The following DIS3L2 variants were observed in gnomAD, a reference collection of about 807,000 sequenced individuals.
DIS3L2 encodes DIS3 like 3'-5' exoribonuclease 2, also known as DIS3-like exonuclease 2.
DIS3L2 carries 34 observed loss-of-function variants against 97.5 expected under a neutral mutation model. The observed-to-expected ratio is 0.35, with a 90% CI of 0.27 to 0.46. The LOEUF is 0.46. Ranked by LOEUF, DIS3L2 falls within the 20% of genes least tolerant of loss-of-function variation. The pLI, the probability that DIS3L2 is intolerant of heterozygous loss-of-function variation, is 1.00. For missense variants in DIS3L2, 1,038 were observed against 1,146.0 expected, an observed-to-expected ratio of 0.91 and a Z score of 1.36; for synonymous variants, 435 against 445.2, an observed-to-expected ratio of 0.98 and a Z score of 0.29.
intron 1 of DIS3L2, among the ~76,000 whole-genome samples, chr2:231,981,013 G>A (rs12619523): frequency 0.78 from 118,632 of 152,042 alleles, 46,981 homozygotes; most frequent in African/African-American, 0.9. Flanking sequence ...GTGCGATCTC[G>A]GCTCACTGCA....
intron 9 of DIS3L2, among the ~76,000 whole-genome samples, chr2:232,208,447 A>G (rs941315072): frequency 6.6e-6 from 1 of 152,160 alleles, no homozygotes; most frequent in Non-Finnish European, 1.5e-5. Context: ...AGTAGCTGGG[A>G]CTACAGGCGT....
chr2:232,036,916 C>T (rs561228385), intron 5 of DIS3L2, among the ~76,000 whole-genome samples: 6 of 152,282 alleles, frequency 3.9e-5, no homozygotes, highest in African/African-American at 9.6e-5. Context: ...GAGAGGCACC[C>T]GCCAGATGCC....
chr2:232,049,839 C>G (rs1034593781), intron 5 of DIS3L2, among the ~76,000 whole-genome samples: 1 of 152,068 alleles, frequency 6.6e-6, no homozygotes, highest in Admixed American at 6.6e-5. Context: ...GGCACAGTGC[C>G]ACTTCTGTGT....
intron 14 of DIS3L2, 28 bp from the exon 15 acceptor site, chr2:232,329,785 T>TGCCGGGGGGGGGGGCCCCC: frequency 1.0e-6 from 1 of 967,142 alleles, no homozygotes. Context: ...ACCCCAGCGG[T>TGCCGGGGGGGGGGGCCCCC]CCCTCCCATC....
chr2:232,300,047 T>A lies in DIS3L2; in HGVS notation c.1667T>A (p.Leu556His). ...DGALRLDQLK[L>H]AFTLDHETGL... ...TCTTCTCTCTCTCTTCAGCTAAAGCTTGCTTTCACTCTGGACCACGAGACC... is the reference window on the plus strand; with the variant it reads ...TCTTCTCTCTCTCTTCAGCTAAAGCATGCTTTCACTCTGGACCACGAGACC... Residue 556 changes from leucine to histidine, a missense_variant, in exon 14 of 21, where the codon CTT becomes CAT. This residue lies in a region of DIS3L2 where 813 missense variants were observed against 880.1 expected (regional missense o/e 0.92). Transcript: ENST00000325385. 6.2e-7 allele frequency: 1 copy of A among 1,613,602 alleles called. No homozygotes were observed. Among genetic ancestry groups the A allele is most frequent in the Non-Finnish European group, 8.5e-7 (1 of 1,179,578 alleles).
At chr2:232,329,785 T>TGCCGGGGGCCA in intron 14 of DIS3L2, 28 bp from the exon 15 acceptor site, 1 of 967,142 alleles carries the variant, frequency 1.0e-6, no homozygotes, top group Non-Finnish European at 1.5e-6. Context: ...ACCCCAGCGG[T>TGCCGGGGGCCA]CCCTCCCATC....
chr2:232,332,676 G>A (rs369258357), intron 16 of DIS3L2, among the ~76,000 whole-genome samples: 2,552 of 152,198 alleles, frequency 0.017, 66 homozygotes, highest in African/African-American at 0.054. Flanking sequence ...AAGGGCCTTT[G>A]GAACTCAGCC....
intron 1 of DIS3L2, among the ~76,000 whole-genome samples, chr2:231,980,334 C>T (rs1693216920): frequency 6.6e-6 from 1 of 152,128 alleles, no homozygotes; most frequent in Non-Finnish European, 1.5e-5. Flanking sequence ...AGCTCATTGG[C>T]TGTAATTATA....
At chr2:232,098,793 A>C (rs1697108026) in intron 6 of DIS3L2, among the ~76,000 whole-genome samples, 2 of 152,326 alleles carry the variant, frequency 1.3e-5, no homozygotes, top group South Asian at 4.1e-4. Flanking sequence ...TCCCTTTCCT[A>C]ACAGTTTTAC....
At chr2:232,098,132 G>A (rs1697081200) in intron 6 of DIS3L2, among the ~76,000 whole-genome samples, 1 of 152,136 alleles carries the variant, frequency 6.6e-6, no homozygotes, top group South Asian at 2.1e-4. Flanking sequence ...GACCCACAGT[G>A]TTCTAAGACC....
intron 13 of DIS3L2, among the ~76,000 whole-genome samples, chr2:232,266,550 G>T (rs1044551595): frequency 2.6e-5 from 4 of 152,180 alleles, no homozygotes; most frequent in African/African-American, 9.7e-5. Flanking sequence ...CCGAAAACAA[G>T]TCCATGGACC....
chr2:232,198,914 T>C (rs535398603), intron 9 of DIS3L2: 9 of 152,350 alleles, frequency 5.9e-5, no homozygotes, highest in African/African-American at 2.2e-4. Flanking sequence ...ATCCTATTCA[T>C]AATTGTAATC....
At chr2:232,021,256 A>T (rs1178637466) in intron 3 of DIS3L2, among the ~76,000 whole-genome samples, 1 of 152,086 alleles carries the variant, frequency 6.6e-6, no homozygotes, top group African/African-American at 2.4e-5. Context: ...AGGATTTGCA[A>T]CGTTAATAGA....
chr2:232,024,395 T>C (rs1163590187), intron 4 of DIS3L2, 65 bp downstream of exon 4: 11 of 1,247,278 alleles, frequency 8.8e-6, no homozygotes, highest in Non-Finnish European at 1.3e-5. Context: ...GCTCCGAAAC[T>C]GAAATCATAT....
intron 13 of DIS3L2, among the ~76,000 whole-genome samples, chr2:232,285,404 C>A (rs945569076): frequency 6.6e-6 from 1 of 152,240 alleles, no homozygotes; most frequent in African/African-American, 2.4e-5. Context: ...TCTCCACCTG[C>A]AACTGGGTGG....
intron 14 of DIS3L2, chr2:232,307,726 T>C (rs1254471007): frequency 6.6e-6 from 1 of 152,214 alleles, no homozygotes; most frequent in Non-Finnish European, 1.5e-5. Flanking sequence ...AGGTTAGTTC[T>C]AGTCTAAAAC....
intron 6 of DIS3L2, among the ~76,000 whole-genome samples, chr2:232,124,739 T>C (rs991214575): frequency 6.6e-6 from 1 of 152,154 alleles, no homozygotes; most frequent in African/African-American, 2.4e-5. Flanking sequence ...ACTGCAAGTC[T>C]AATTTTTAAA....
chr2:232,015,327 C>T (rs913399685), intron 2 of DIS3L2, among the ~76,000 whole-genome samples, 187 bp from the exon 3 acceptor site: 2 of 152,124 alleles, frequency 1.3e-5, no homozygotes, highest in Admixed American at 1.3e-4. Flanking sequence ...CAAGTCTCAT[C>T]TGTGTATATT....
chr2:232,081,023 C>G (rs889477039), intron 5 of DIS3L2, among the ~76,000 whole-genome samples: 1 of 151,328 alleles, frequency 6.6e-6, no homozygotes, highest in Non-Finnish European at 1.5e-5. Flanking sequence ...TTTTTTCTTG[C>G]AATTTATTTG....
Sources: gnomAD v4.1 joint callset for allele counts (sites outside exome capture counted in the v4.1 genomes callset) on GRCh38, gnomAD v4.1.1 for gene constraint, gnomAD v4.1.1 regional missense constraint, MANE v1.5 for transcripts, NCBI Gene and HGNC (gene_info 2026-07-23, HGNC 2026-07-21) for gene names.